RAD51B: variants seen among roughly 807,000 people sequenced by gnomAD.
RAD51B encodes RAD51 paralog B.
RAD51B carries 38 observed loss-of-function variants against 42.2 expected under a neutral mutation model. That is an observed-to-expected ratio of 0.90 (90% CI 0.70 to 1.18). The LOEUF is 1.18. RAD51B is among the 50% of genes most tolerant of loss of function. The pLI, the probability that RAD51B is intolerant of heterozygous loss-of-function variation, is 0.00. For missense variants in RAD51B, 373 were observed against 400.7 expected (o/e 0.93, Z 0.59); for synonymous variants, 154 against 145.2 (o/e 1.06, Z -0.43).
At chr14:68,291,176 ATTTT>A (rs1263805423) in intron 7 of RAD51B, among the ~76,000 whole-genome samples, 3 of 151,482 alleles carry the variant, frequency 2.0e-5, no homozygotes, top group African/African-American at 7.3e-5. Context: ...ATTTTATTTT[ATTTT>A]GTTTTTAATT....
chr14:68,172,578 AT>A (rs1268422914), intron 7 of RAD51B, among the ~76,000 whole-genome samples: 1 of 152,202 alleles, frequency 6.6e-6, no homozygotes, highest in African/African-American at 2.4e-5. Context: ...AAGAGGTTAT[AT>A]AGGCAAGGAG....
intron 7 of RAD51B, among the ~76,000 whole-genome samples, chr14:67,989,519 T>A (rs576390746): frequency 6.6e-6 from 1 of 150,884 alleles, no homozygotes; most frequent in East Asian, 2.0e-4. Flanking sequence ...ATGCCAGTAA[T>A]CCCAGCTACT....
At chr14:68,455,580 C>T (rs1360388431) in intron 9 of RAD51B, among the ~76,000 whole-genome samples, 2 of 151,960 alleles carry the variant, frequency 1.3e-5, no homozygotes, top group African/African-American at 4.8e-5. Context: ...ATTAGCCAGA[C>T]GTGGTGGCGG....
intron 7 of RAD51B, among the ~76,000 whole-genome samples, chr14:68,268,221 A>G (rs2081030844): frequency 6.6e-6 from 1 of 152,198 alleles, no homozygotes; most frequent in South Asian, 2.1e-4. Context: ...TTTTTCTTGA[A>G]TGAGCTATTA....
intron 7 of RAD51B, among the ~76,000 whole-genome samples, chr14:68,178,917 T>C (rs979765973): frequency 5.3e-5 from 8 of 152,212 alleles, no homozygotes; most frequent in Admixed American, 2.6e-4. Flanking sequence ...GAATCCTTTT[T>C]TGGTTATCTT....
downstream of RAD51B, among the ~76,000 whole-genome samples, chr14:68,482,033 A>C (rs1594897444): frequency 1.3e-5 from 2 of 152,342 alleles, no homozygotes; most frequent in South Asian, 2.1e-4. Flanking sequence ...CACAGGTAGC[A>C]TTCTTCCCCG....
At chr14:67,960,410 C>A (rs971114841) in intron 7 of RAD51B, among the ~76,000 whole-genome samples, 1 of 152,134 alleles carries the variant, frequency 6.6e-6, no homozygotes, top group African/African-American at 2.4e-5. Flanking sequence ...ATCAAGAAGA[C>A]TCTTGTTGTT....
At chr14:67,822,540 G>A (rs1305889059) in intron 1 of RAD51B, among the ~76,000 whole-genome samples, 1 of 151,778 alleles carries the variant, frequency 6.6e-6, no homozygotes, top group Non-Finnish European at 1.5e-5. Flanking sequence ...GGGCAGGCAT[G>A]GTGTCGACCC....
intron 10 of RAD51B, among the ~76,000 whole-genome samples, chr14:68,578,411 C>CA (rs1566943673): frequency 6.6e-6 from 1 of 151,690 alleles, no homozygotes. Context: ...AACTCCATCT[C>CA]AAAAAAACAA....
intron 8 of RAD51B, among the ~76,000 whole-genome samples, chr14:68,320,381 T>A (rs949464394): frequency 1.3e-5 from 2 of 152,264 alleles, no homozygotes; most frequent in African/African-American, 4.8e-5. Context: ...AAATTTGACA[T>A]ATTAAAATGT....
chr14:68,216,744 C>T (rs769733302), intron 7 of RAD51B, among the ~76,000 whole-genome samples: 1 of 152,138 alleles, frequency 6.6e-6, no homozygotes, highest in Non-Finnish European at 1.5e-5. Flanking sequence ...TTACATATCA[C>T]CTCCTCCATC....
At position 68,301,743 on chromosome 14, in the gene RAD51B, T is replaced by C. The variant is rs192440717; in HGVS notation, c.853+9763T>C. ...TCCTGAGTAGCTGGGATTACAGGCA[T>C]GCACCACCACGCCTGGCTAATTTTT... On this transcript the variant is annotated intron_variant, in intron 8 of 10. Coordinates refer to ENST00000471583, the MANE Select transcript of RAD51B (RefSeq NM_133510.4). Among the ~76,000 whole-genome samples, 28 of 152,180 alleles carry C rather than the reference T, an allele frequency of 1.8e-4. No individual in the cohort carries two copies. In the East Asian group the frequency reaches 5.2e-3, roughly 28 times the overall value.
At chr14:68,655,163 G>T (rs1012338170) in intron 11 of RAD51B, among the ~76,000 whole-genome samples, 1 of 152,012 alleles carries the variant, frequency 6.6e-6, no homozygotes, top group East Asian at 1.9e-4. Flanking sequence ...ATGTGTGTGC[G>T]CCAGCTAGCT....
intron 7 of RAD51B, among the ~76,000 whole-genome samples, chr14:67,924,310 A>G (rs1396526922): frequency 1.3e-5 from 2 of 152,170 alleles, no homozygotes; most frequent in Non-Finnish European, 1.5e-5. Context: ...GCTTAAGCCA[A>G]TGTCTAGAAG....
intron 10 of RAD51B, among the ~76,000 whole-genome samples, chr14:68,603,086 C>A (rs562935005): frequency 6.6e-6 from 1 of 152,184 alleles, no homozygotes; most frequent in African/African-American, 2.4e-5. Flanking sequence ...GCTGCCCTTA[C>A]GTGTTCCTCT....
At chr14:68,589,565 C>T (rs967565947) in intron 10 of RAD51B, among the ~76,000 whole-genome samples, 1 of 152,206 alleles carries the variant, frequency 6.6e-6, no homozygotes, top group Non-Finnish European at 1.5e-5. Flanking sequence ...TTGGCTGAGC[C>T]CTGGAGAGGG....
At chr14:68,507,796 C>T (rs892514536) in intron 10 of RAD51B, among the ~76,000 whole-genome samples, 20 of 152,332 alleles carry the variant, frequency 1.3e-4, no homozygotes, top group African/African-American at 4.8e-4. Flanking sequence ...CTTTGATCCA[C>T]GGTTCACGTT....
In RAD51B at chr14:67,871,573, C is replaced by T. The variant is rs1214144088; in HGVS notation, c.452+6434C>T. Reference sequence around the variant, plus strand: ...ATCAATAGAAAAAGAGGGAATCCTCCCTAACTGATTTTATGAGGCCAGCAT... The same window carrying T: ...ATCAATAGAAAAAGAGGGAATCCTCTCTAACTGATTTTATGAGGCCAGCAT... On this transcript the variant is annotated intron_variant, in intron 5 of 10. Transcript: ENST00000471583. Among the ~76,000 whole-genome samples, 4 of 152,230 alleles carry T rather than the reference C, an allele frequency of 2.6e-5. No homozygotes were observed. The East Asian group carries it at 7.7e-4, about 29-fold the overall frequency.
intron 7 of RAD51B, among the ~76,000 whole-genome samples, chr14:68,286,754 C>T (rs761583060): frequency 2.6e-4 from 39 of 152,134 alleles, no homozygotes; most frequent in Non-Finnish European, 4.7e-4. Context: ...TAAGCTTGAG[C>T]AGAGGGTAGG....
Sources: allele counts gnomAD v4.1 joint callset (sites outside exome capture counted in the v4.1 genomes callset), GRCh38; gene constraint gnomAD v4.1.1; transcripts MANE v1.5; gene names NCBI Gene and HGNC (gene_info 2026-07-23, HGNC 2026-07-21).